NPFFR2: variants seen among roughly 807,000 people sequenced by gnomAD.
The protein encoded by NPFFR2 is neuropeptide FF receptor 2, also known as G-protein coupled receptor 74.
A neutral mutation model predicts 13.1 loss-of-function variants in NPFFR2; 15 were observed. The observed-to-expected ratio is 1.15, with a 90% CI of 0.77 to 1.76. The LOEUF (loss-of-function observed/expected upper bound fraction) is 1.76, where lower values mean the gene tolerates loss of function less well. Among genes scored for constraint, NPFFR2 ranks in the 40% most tolerant of loss-of-function variants. The pLI is 0.00. For missense variants in NPFFR2, 572 were observed against 503.5 expected (o/e 1.14, Z -1.30); for synonymous variants, 190 against 175.7 (o/e 1.08, Z -0.65).
chr4:72,035,463 T>G (rs1228907952), intron 1 of NPFFR2, among the ~76,000 whole-genome samples: 1 of 151,726 alleles, frequency 6.6e-6, no homozygotes, highest in Non-Finnish European at 1.5e-5. Context: ...TCAAGCATAG[T>G]ATGAATGCCT....
intron 3 of NPFFR2, among the ~76,000 whole-genome samples, chr4:72,144,712 C>G (rs1385402304): frequency 1.3e-5 from 2 of 152,144 alleles, no homozygotes; most frequent in African/African-American, 4.8e-5. Flanking sequence ...AAATAAAAGG[C>G]AGCTGTTTTT....
At chr4:72,066,129 A>T (rs1282829952) in intron 1 of NPFFR2, among the ~76,000 whole-genome samples, 2 of 152,154 alleles carry the variant, frequency 1.3e-5, no homozygotes, top group Non-Finnish European at 2.9e-5. Flanking sequence ...TTGTCTGGAG[A>T]GGGCTGCTGT....
intron 1 of NPFFR2, among the ~76,000 whole-genome samples, chr4:72,065,293 C>A (rs1180558134): frequency 6.6e-6 from 1 of 151,924 alleles, no homozygotes; most frequent in Non-Finnish European, 1.5e-5. Flanking sequence ...AGAATCAGGT[C>A]TCTGAAAAAA....
rs1157515956 is a variant in NPFFR2 at position 72,073,744 on chromosome 4, TA to T, written c.-8+41545del. On this transcript the variant is annotated intron_variant, in intron 1 of 3. Coordinates refer to ENST00000308744, the MANE Select transcript of NPFFR2 (RefSeq NM_004885.3). ...TTATAACATCGACAACTAAAAAAGGTAGTGCTGAAGCTGTTAAAGGTGCAGA... is the reference window on the plus strand; with the variant it reads ...TTATAACATCGACAACTAAAAAAGGTGTGCTGAAGCTGTTAAAGGTGCAGA... Among the ~76,000 whole-genome samples, 10 of 152,092 alleles carry T rather than the reference TA, an allele frequency of 6.6e-5. 1 individual carries two copies. The South Asian group carries it at 2.1e-3, about 31-fold the overall frequency.
rs377419129 is a variant in NPFFR2 at position 72,076,898 on chromosome 4, C to T, written c.-8+44698C>T. Among the ~76,000 whole-genome samples, 29 of 152,268 alleles carry T rather than the reference C, an allele frequency of 1.9e-4. 1 individual carries two copies. Among genetic ancestry groups the T allele is most frequent in the East Asian group, 1.2e-3 (6 of 5,188 alleles). On this transcript the variant is annotated intron_variant, in intron 1 of 3. Coordinates refer to ENST00000308744, the MANE Select transcript of NPFFR2 (RefSeq NM_004885.3). ...GAAACAGTCTGCACTGTCAGTAAAG[C>T]ATTACATCTAAGTGCTTATTCAATG...
At chr4:72,131,258 T>C (rs964871435) in intron 2 of NPFFR2, among the ~76,000 whole-genome samples, 1 of 151,634 alleles carries the variant, frequency 6.6e-6, no homozygotes, top group African/African-American at 2.4e-5. Context: ...GAAGGTGGAG[T>C]CCTTGCCAGG....
At chr4:72,076,294 AAG>A (rs1720435285) in intron 1 of NPFFR2, among the ~76,000 whole-genome samples, 1 of 152,108 alleles carries the variant, frequency 6.6e-6, no homozygotes, top group Admixed American at 6.6e-5. Flanking sequence ...TGGGAGAGGA[AAG>A]AGAATTGAGT....
At chr4:72,138,891 G>C (rs1379815455) in intron 3 of NPFFR2, among the ~76,000 whole-genome samples, 1 of 152,118 alleles carries the variant, frequency 6.6e-6, no homozygotes, top group Non-Finnish European at 1.5e-5. Flanking sequence ...GTGTAAAAGT[G>C]TTCCAATTTC....
At chr4:72,042,387 T>C (rs976830705) in intron 1 of NPFFR2, among the ~76,000 whole-genome samples, 40 of 152,184 alleles carry the variant, frequency 2.6e-4, no homozygotes, top group African/African-American at 9.7e-4. Flanking sequence ...TAGTAGAGTA[T>C]ATTAATATCC....
At chr4:72,110,000 G>C (rs1721520730) in intron 1 of NPFFR2, among the ~76,000 whole-genome samples, 1 of 151,910 alleles carries the variant, frequency 6.6e-6, no homozygotes, top group African/African-American at 2.4e-5. Context: ...GTCTGCTGAG[G>C]GCTTTATTTG....
chr4:72,079,488 C>T (rs1159113285), intron 1 of NPFFR2, among the ~76,000 whole-genome samples: 1 of 152,042 alleles, frequency 6.6e-6, no homozygotes, highest in Non-Finnish European at 1.5e-5. Context: ...GAAATAAGAA[C>T]ATGATACCAA....
intron 1 of NPFFR2, among the ~76,000 whole-genome samples, chr4:72,123,090 C>A (rs1721938346): frequency 6.6e-6 from 1 of 152,050 alleles, no homozygotes; most frequent in Non-Finnish European, 1.5e-5. Context: ...TGATTATCAT[C>A]ACTGATCCCA....
intron 1 of NPFFR2, among the ~76,000 whole-genome samples, chr4:72,059,822 T>A (rs1395018249): frequency 6.6e-6 from 1 of 152,116 alleles, no homozygotes; most frequent in Non-Finnish European, 1.5e-5. Context: ...CTCAGGCTAA[T>A]GTTCTATTAT....
chr4:72,086,970 G>T (rs28670442), intron 1 of NPFFR2, among the ~76,000 whole-genome samples: 3,968 of 152,134 alleles, frequency 0.026, 143 homozygotes, highest in African/African-American at 0.079. Context: ...TGTCAAGTCT[G>T]TAATATCTGC....
intron 2 of NPFFR2, among the ~76,000 whole-genome samples, chr4:72,133,909 C>T (rs1722327756): frequency 6.6e-6 from 1 of 151,326 alleles, no homozygotes; most frequent in African/African-American, 2.4e-5. Context: ...AAAGTGCTCT[C>T]AATATTTTGT....
chr4:72,119,803 A>G (rs1033400352), intron 1 of NPFFR2, among the ~76,000 whole-genome samples: 29 of 152,238 alleles, frequency 1.9e-4, no homozygotes, highest in African/African-American at 7.0e-4. Flanking sequence ...AGATTCCCTC[A>G]GGTGCCTATG....
At chr4:72,085,499 G>T (rs532514132) in intron 1 of NPFFR2, among the ~76,000 whole-genome samples, 1 of 151,476 alleles carries the variant, frequency 6.6e-6, no homozygotes, top group Non-Finnish European at 1.5e-5. Flanking sequence ...TTCTTCTTTT[G>T]TTCAACTAAA....
At chr4:72,074,539 C>T (rs1720369065) in intron 1 of NPFFR2, among the ~76,000 whole-genome samples, 1 of 151,904 alleles carries the variant, frequency 6.6e-6, no homozygotes, top group South Asian at 2.1e-4. Flanking sequence ...TAGGAAAAAC[C>T]ATAATGTATA....
chr4:72,145,556 C>A (rs1313368488), intron 3 of NPFFR2, among the ~76,000 whole-genome samples: 3 of 152,032 alleles, frequency 2.0e-5, no homozygotes, highest in South Asian at 4.2e-4. Flanking sequence ...ATGAAATTAC[C>A]CATAATTTCA....
Sources: allele counts gnomAD v4.1 joint callset (sites outside exome capture counted in the v4.1 genomes callset), GRCh38; gene constraint gnomAD v4.1.1; transcripts MANE v1.5; gene names NCBI Gene and HGNC (gene_info 2026-07-23, HGNC 2026-07-21).